TNKS2: variants seen among roughly 807,000 people sequenced by gnomAD.
TNKS2 encodes poly [ADP-ribose] polymerase tankyrase-2.
A neutral mutation model predicts 137.6 loss-of-function variants in TNKS2; 72 were observed. That is an observed-to-expected ratio of 0.52 (90% CI 0.43 to 0.64). TNKS2 has a LOEUF of 0.64. TNKS2 is among the 30% of genes least tolerant of loss of function. The pLI is 0.00. For missense variants in TNKS2, 1,049 were observed against 1,410.2 expected, an observed-to-expected ratio of 0.74 and a Z score of 4.10; for synonymous variants, 516 against 512.1, an observed-to-expected ratio of 1.01 and a Z score of -0.10.
intron 26 of TNKS2, among the ~76,000 whole-genome samples, chr10:91,862,571 AT>A (rs1464847421): frequency 2.0e-5 from 3 of 152,154 alleles, no homozygotes; most frequent in African/African-American, 7.2e-5. Context: ...GAAATCTTGT[AT>A]TTAACAGCCT....
At chr10:91,809,903 G>T (rs556286569) in intron 1 of TNKS2, among the ~76,000 whole-genome samples, 3 of 152,254 alleles carry the variant, frequency 2.0e-5, no homozygotes, top group East Asian at 1.9e-4. Context: ...TTTCTAAGAG[G>T]TGCTCAGGGA....
intron 25 of TNKS2, 46 bp downstream of exon 25, chr10:91,859,694 G>T (rs367881009): frequency 2.6e-6 from 4 of 1,524,486 alleles, no homozygotes; most frequent in Non-Finnish European, 3.6e-6. Context: ...AATCAGATAA[G>T]AACTAGTTGC....
chr10:91,838,136 C>T (rs879445330), intron 13 of TNKS2, among the ~76,000 whole-genome samples: 4 of 125,976 alleles, frequency 3.2e-5, no homozygotes, highest in Non-Finnish European at 4.7e-5. Flanking sequence ...GAACATAAAA[C>T]TATATTTAGT....
intron 5 of TNKS2, 97 bp from the exon 6 acceptor site, chr10:91,819,842 A>T: frequency 9.9e-7 from 1 of 1,008,798 alleles, no homozygotes; most frequent in South Asian, 2.0e-5. Flanking sequence ...CGAAGTTATA[A>T]TTGGATTTTC....
At chr10:91,821,642 C>T (rs1027030164) in intron 6 of TNKS2, among the ~76,000 whole-genome samples, 1 of 152,126 alleles carries the variant, frequency 6.6e-6, no homozygotes, top group Non-Finnish European at 1.5e-5. Context: ...AAAGTTCTTC[C>T]TCCATTCCCA....
chr10:91,813,265 T>A, intron 2 of TNKS2, 58 bp downstream of exon 2: 18 of 1,343,154 alleles, frequency 1.3e-5, no homozygotes, highest in Non-Finnish European at 1.8e-5. Context: ...GAATCTGAAC[T>A]GAATTAATCT....
At chr10:91,823,638 C>CA (rs764417423) in intron 7 of TNKS2, among the ~76,000 whole-genome samples, 19 of 152,036 alleles carry the variant, frequency 1.2e-4, no homozygotes, top group Non-Finnish European at 2.4e-4. Flanking sequence ...CAAAACTTCC[C>CA]ATTTTGATCC....
At position 91,798,660 on chromosome 10, in the gene TNKS2, G is replaced by A; in HGVS notation, c.-31G>A. ...CGGGGCTCCTGCTCCGGTTGCTGGC[G>A]CTGTTGCTGGCTGTGGCGGCGGCCA... On this transcript the variant is annotated 5_prime_UTR_variant, in exon 1 of 27. Transcript: ENST00000371627. 1 of 1,219,476 alleles carries A rather than the reference G, an allele frequency of 8.2e-7. No individual in the cohort carries two copies. The highest frequency in any genetic ancestry group is 1.0e-6 in the Non-Finnish European group (1 of 978,636). The allele number at this position is 1,219,476 out of a possible 1,614,324, so 75.5% of individuals were successfully genotyped here.
intron 1 of TNKS2, among the ~76,000 whole-genome samples, 188 bp downstream of exon 1, chr10:91,799,077 G>A (rs1388701838): frequency 6.6e-6 from 1 of 152,162 alleles, no homozygotes; most frequent in Non-Finnish European, 1.5e-5. Context: ...CTCGCTGGAA[G>A]TTTTTTGTTT....
chr10:91,832,648 T>C (rs991411135), intron 11 of TNKS2, among the ~76,000 whole-genome samples: 5 of 152,138 alleles, frequency 3.3e-5, no homozygotes, highest in Admixed American at 1.3e-4. Flanking sequence ...CACATTCACA[T>C]ATTATCCGAT....
intron 22 of TNKS2, among the ~76,000 whole-genome samples, 195 bp from the exon 23 acceptor site, chr10:91,855,419 C>T (rs1399770232): frequency 6.6e-6 from 1 of 152,156 alleles, no homozygotes; most frequent in African/African-American, 2.4e-5. Flanking sequence ...AACTCCTGAG[C>T]TCAGGCAGTC....
chr10:91,809,974 T>C (rs1193041271), intron 1 of TNKS2, among the ~76,000 whole-genome samples: 1 of 152,160 alleles, frequency 6.6e-6, no homozygotes, highest in Non-Finnish European at 1.5e-5. Context: ...ACCAGAATAG[T>C]TTTTATTTTA....
chr10:91,849,028 G>A (rs2133667265), intron 19 of TNKS2, among the ~76,000 whole-genome samples: 1 of 152,272 alleles, frequency 6.6e-6, no homozygotes, highest in South Asian at 2.1e-4. Context: ...GTAGAGATGG[G>A]ATTTCACCAT....
At chr10:91,812,903 AT>A in intron 1 of TNKS2, 79 bp from the exon 2 acceptor site, 1 of 1,525,842 alleles carries the variant, frequency 6.6e-7, no homozygotes, top group Non-Finnish European at 8.9e-7. Context: ...AACCTGAAAC[AT>A]TTTAGTATGG....
In TNKS2 at chr10:91,819,738, T is replaced by G. The variant is rs568607622; in HGVS notation, c.633+181T>G. 2.1e-3 allele frequency among the ~76,000 whole-genome samples: 313 copies of G among 152,366 alleles called. 1 individual carries two copies. Among genetic ancestry groups the G allele is most frequent in the Non-Finnish European group, 3.4e-3 (230 of 68,020 alleles). ...ACTTTATTGATGATAAACAGTTATT[T>G]GCTTCCTATATGCAATAGTGAATTT... On this transcript the variant is annotated intron_variant, in intron 5 of 26. Transcript: ENST00000371627.
rs191789264 is a variant in TNKS2, at chr10:91,850,797, T to C, written c.2695-419T>C. Among the ~76,000 whole-genome samples, 63 of 152,250 alleles carry C rather than the reference T, an allele frequency of 4.1e-4. 1 individual carries two copies. In the East Asian group the frequency reaches 0.011, roughly 26 times the overall value. ...TCATCAGGGAATGCTTCATGGAACG[T>C]GTGTAAGTAAAACAGGATTTTAAAG... On this transcript the variant is annotated intron_variant, in intron 20 of 26. Transcript: ENST00000371627.
At chr10:91,844,141 C>T (rs1432040344) in intron 16 of TNKS2, among the ~76,000 whole-genome samples, 1 of 152,130 alleles carries the variant, frequency 6.6e-6, no homozygotes, top group Non-Finnish European at 1.5e-5. Context: ...TTACTGTGTC[C>T]AAGTTGTCTT....
At chr10:91,855,802 A>G in intron 23 of TNKS2, 114 bp downstream of exon 23, 3 of 622,124 alleles carry the variant, frequency 4.8e-6, no homozygotes, top group Non-Finnish European at 8.0e-6. Context: ...TTGACTTGGC[A>G]TCAGAGACTA....
Position 91,798,856 on chromosome 10 carries a change from G to A in TNKS2, c.166G>A (p.Gly56Ser). 1 of 1,362,538 alleles carries A rather than the reference G, an allele frequency of 7.3e-7. No homozygotes were observed. The highest frequency in any genetic ancestry group is 1.8e-5 in the South Asian group (1 of 54,612). 84.4% of individuals were successfully genotyped at this position (1,362,538 alleles called of 1,614,324 possible). Residue 56 changes from glycine to serine, a missense_variant, in exon 1 of 27, where the codon GGC becomes AGC. Gly to Ser is a moderately conservative substitution (Grantham distance 56). This residue lies in a region of TNKS2 where 374 missense variants were observed against 460.8 expected (regional missense o/e 0.81). Transcript: ENST00000371627. ...PEKVNSRDTA[G>S]RKSTPLHFAA... ...GAAGGTGAACAGCCGCGACACGGCG[G>A]GCAGGAAATCCACCCCGCTGCACTT... is the stretch of plus-strand genomic sequence containing the variant.
Sources: gnomAD v4.1 joint callset for allele counts (sites outside exome capture counted in the v4.1 genomes callset) on GRCh38, gnomAD v4.1.1 for gene constraint, gnomAD v4.1.1 regional missense constraint, MANE v1.5 for transcripts, NCBI Gene and HGNC (gene_info 2026-07-23, HGNC 2026-07-21) for gene names.